IMMP2L: variants seen among roughly 807,000 people sequenced by gnomAD.
IMMP2L encodes the protein inner mitochondrial membrane peptidase subunit 2, also known as mitochondrial inner membrane protease subunit 2.
Under a neutral mutation model 19.3 loss-of-function variants are expected in IMMP2L, and 18 were observed. The ratio of observed to expected loss-of-function variants is 0.93; its 90% confidence interval spans 0.64 to 1.38. IMMP2L has a LOEUF of 1.38. Ranked by LOEUF, IMMP2L falls within the 40% of genes most tolerant of loss-of-function variation. The pLI, the probability that IMMP2L is intolerant of heterozygous loss-of-function variation, is 0.00. For missense variants in IMMP2L, 233 were observed against 218.2 expected, an observed-to-expected ratio of 1.07 and a Z score of -0.43; for synonymous variants, 76 against 73.0, an observed-to-expected ratio of 1.04 and a Z score of -0.21.
At chr7:110,884,422 C>T (rs182430245) in intron 5 of IMMP2L, among the ~76,000 whole-genome samples, 165 of 152,046 alleles carry the variant, frequency 1.1e-3, no homozygotes, top group African/African-American at 3.9e-3. Flanking sequence ...AACAACACTA[C>T]CAGACAATTA....
chr7:111,254,021 C>T (rs1418039508), intron 3 of IMMP2L, among the ~76,000 whole-genome samples: 1 of 152,148 alleles, frequency 6.6e-6, no homozygotes, highest in Admixed American at 6.6e-5. Context: ...TCTAACTCCA[C>T]ATAGTGCAAG....
chr7:110,714,584 CTTTGTTTGTTTG>C (rs750709006), intron 5 of IMMP2L, among the ~76,000 whole-genome samples: 4 of 151,874 alleles, frequency 2.6e-5, no homozygotes, highest in Non-Finnish European at 5.9e-5. Flanking sequence ...TGGTACAGAG[CTTTGTTTGTTTG>C]TTTGTTTGCT....
At chr7:111,459,453 ATAAAC>A (rs1183512165) in intron 3 of IMMP2L, among the ~76,000 whole-genome samples, 1 of 152,180 alleles carries the variant, frequency 6.6e-6, no homozygotes, top group Non-Finnish European at 1.5e-5. Context: ...TTTTATTTAA[ATAAAC>A]TAATCAATCA....
chr7:111,172,641 C>T (rs185457008), intron 3 of IMMP2L, among the ~76,000 whole-genome samples: 4 of 151,488 alleles, frequency 2.6e-5, no homozygotes, highest in African/African-American at 9.7e-5. Context: ...CTTTGGCTAT[C>T]TCCTTCTTCC....
rs149405480 is a variant in IMMP2L, at chr7:111,198,326, G to A, written c.240-234761C>T. 2.6e-3 allele frequency among the ~76,000 whole-genome samples: 393 copies of A among 152,170 alleles called. 1 individual carries two copies. The highest frequency in any genetic ancestry group is 8.9e-3 in the African/African-American group (371 of 41,518). The stretch of plus-strand genomic sequence containing the variant: ...TGTGAGTAACAACACAGGTCAGAAC[G>A]GCTCTCGGTCATATTCCTGGCTCAA... On this transcript the variant is annotated intron_variant, in intron 3 of 5. Coordinates refer to ENST00000405709, the MANE Select transcript of IMMP2L (RefSeq NM_032549.4).
At chr7:110,873,689 C>T (rs924010930) in intron 5 of IMMP2L, among the ~76,000 whole-genome samples, 15 of 150,988 alleles carry the variant, frequency 9.9e-5, no homozygotes, top group Admixed American at 2.6e-4. Context: ...AAGGAGAATC[C>T]CTTGAACCCA....
At chr7:110,872,136 T>C (rs1329650733) in intron 5 of IMMP2L, among the ~76,000 whole-genome samples, 2 of 152,140 alleles carry the variant, frequency 1.3e-5, no homozygotes, top group East Asian at 1.9e-4. Context: ...AAGTAGAGAA[T>C]AGAATCTTGA....
At chr7:111,291,310 T>G (rs1414356229) in intron 3 of IMMP2L, among the ~76,000 whole-genome samples, 6 of 152,152 alleles carry the variant, frequency 3.9e-5, no homozygotes, top group Non-Finnish European at 8.8e-5. Context: ...ATGTCTTCTT[T>G]TTCAAAGGGC....
chr7:111,555,805 A>G (rs1281411781), intron 1 of IMMP2L, among the ~76,000 whole-genome samples: 4 of 151,610 alleles, frequency 2.6e-5, no homozygotes, highest in Admixed American at 2.6e-4. Context: ...TTTGTTGGAC[A>G]GTTAGGTTGT....
At chr7:111,261,358 T>C (rs1179793928) in intron 3 of IMMP2L, among the ~76,000 whole-genome samples, 1 of 152,164 alleles carries the variant, frequency 6.6e-6, no homozygotes, top group African/African-American at 2.4e-5. Flanking sequence ...TTGTGTATAG[T>C]ACAAATGAAA....
intron 3 of IMMP2L, among the ~76,000 whole-genome samples, chr7:111,051,636 T>C (rs1372003547): frequency 6.6e-6 from 1 of 152,222 alleles, no homozygotes; most frequent in Non-Finnish European, 1.5e-5. Flanking sequence ...TTTTGAGATA[T>C]AAGTTGTTGT....
intron 4 of IMMP2L, among the ~76,000 whole-genome samples, chr7:110,959,049 G>C (rs117675815): frequency 1.7e-4 from 26 of 151,922 alleles, no homozygotes; most frequent in Non-Finnish European, 2.5e-4. Flanking sequence ...ACCTAAAGGA[G>C]TGTAACTACC....
At chr7:111,546,363 A>C (rs1000543199) in intron 1 of IMMP2L, among the ~76,000 whole-genome samples, 1 of 152,040 alleles carries the variant, frequency 6.6e-6, no homozygotes, top group Non-Finnish European at 1.5e-5. Context: ...TTCTTTGCCA[A>C]TTAGGTTTTA....
chr7:111,480,646 T>C (rs1842106771), intron 3 of IMMP2L, among the ~76,000 whole-genome samples: 1 of 143,308 alleles, frequency 7.0e-6, no homozygotes. Flanking sequence ...TACTTCATCC[T>C]CCCTAAAGAA....
chr7:111,020,177 A>T (rs1383907230), intron 3 of IMMP2L, among the ~76,000 whole-genome samples: 1 of 151,756 alleles, frequency 6.6e-6, no homozygotes, highest in African/African-American at 2.4e-5. Context: ...TGAAGTCAGG[A>T]GTTCGAGACC....
chr7:110,736,931 A>G (rs1796671526), intron 5 of IMMP2L, among the ~76,000 whole-genome samples: 1 of 152,170 alleles, frequency 6.6e-6, no homozygotes, highest in Non-Finnish European at 1.5e-5. Context: ...TTTGGAATGG[A>G]ATGAATGTAT....
intron 3 of IMMP2L, among the ~76,000 whole-genome samples, chr7:111,216,440 T>C (rs1002932315): frequency 6.6e-6 from 1 of 152,184 alleles, no homozygotes; most frequent in Non-Finnish European, 1.5e-5. Flanking sequence ...ATTTATGGCG[T>C]ACAAAGTGAT....
intron 5 of IMMP2L, among the ~76,000 whole-genome samples, chr7:110,809,976 G>C (rs1801909670): frequency 1.3e-5 from 2 of 151,950 alleles, no homozygotes; most frequent in South Asian, 4.1e-4. Flanking sequence ...TGAAAAACAC[G>C]AAAGACAAAG....
chr7:111,258,500 T>A (rs1587088872), intron 3 of IMMP2L, among the ~76,000 whole-genome samples: 1 of 152,138 alleles, frequency 6.6e-6, no homozygotes, highest in East Asian at 1.9e-4. Flanking sequence ...AAAGCATTTT[T>A]TAATTTTACT....
Sources: allele counts gnomAD v4.1 joint callset (sites outside exome capture counted in the v4.1 genomes callset), GRCh38; gene constraint gnomAD v4.1.1; transcripts MANE v1.5; gene names NCBI Gene and HGNC (gene_info 2026-07-23, HGNC 2026-07-21).